Variants in CABIN1 observed in about 807,000 individuals in gnomAD.
CABIN1 encodes the protein calcineurin-binding protein cabin-1.
In CABIN1, 133 loss-of-function variants were observed where a neutral mutation model predicts 227.7. The observed-to-expected ratio is 0.58, with a 90% CI of 0.51 to 0.67. CABIN1 has a LOEUF of 0.67. CABIN1 is among the 30% of genes least tolerant of loss of function. The pLI is 0.00. For synonymous variants in CABIN1, 1,086 were observed against 1,155.1 expected, an observed-to-expected ratio of 0.94 and a Z score of 1.21; for missense variants, 2,408 against 2,852.5, an observed-to-expected ratio of 0.84 and a Z score of 3.55.
At chr22:24,145,272 G>A (rs968052740) in intron 29 of CABIN1, among the ~76,000 whole-genome samples, 3 of 152,150 alleles carry the variant, frequency 2.0e-5, no homozygotes, top group African/African-American at 7.2e-5. Context: ...CACTGGAGGG[G>A]CTGGGCTGGG....
At chr22:24,127,774 G>A (rs2043824193) in intron 28 of CABIN1, among the ~76,000 whole-genome samples, 1 of 152,122 alleles carries the variant, frequency 6.6e-6, no homozygotes, top group Non-Finnish European at 1.5e-5. Context: ...TGAATCAGGT[G>A]AGAAAGTTTG....
At chr22:24,143,895 C>T (rs755511980) in intron 29 of CABIN1, among the ~76,000 whole-genome samples, 3 of 152,222 alleles carry the variant, frequency 2.0e-5, no homozygotes, top group African/African-American at 4.8e-5. Flanking sequence ...TTTTCAGGCC[C>T]TGGGCCAGCT....
intron 29 of CABIN1, among the ~76,000 whole-genome samples, chr22:24,162,505 G>C (rs1315938329): frequency 6.6e-6 from 1 of 152,258 alleles, no homozygotes; most frequent in Non-Finnish European, 1.5e-5. Context: ...GTAAAGAGAT[G>C]AACAAGGGCA....
At chr22:24,120,674 A>G (rs1365863117) in intron 28 of CABIN1, among the ~76,000 whole-genome samples, 1 of 152,106 alleles carries the variant, frequency 6.6e-6, no homozygotes, top group Non-Finnish European at 1.5e-5. Context: ...TTAGCCAGGC[A>G]TGCTGGCATA....
In CABIN1 at chr22:24,178,039, G is replaced by T. The variant is rs375171278; in HGVS notation, c.6520-14G>T. 2 of 1,613,196 alleles carry T rather than the reference G, an allele frequency of 1.2e-6. No individual in the cohort carries two copies. Among genetic ancestry groups the T allele is most frequent in the South Asian group, 1.1e-5 (1 of 91,064 alleles). On this transcript the variant is annotated splice_polypyrimidine_tract_variant and intron_variant, in intron 36 of 36. Transcript: ENST00000263119. ...GCCATCCTTGACCAGTGCCCCGCCC[G>T]GCCCTCTCCGCAGTCAGCCATCCTT...
intron 28 of CABIN1, among the ~76,000 whole-genome samples, chr22:24,124,239 G>A (rs1470787092): frequency 1.3e-5 from 2 of 152,202 alleles, no homozygotes; most frequent in Non-Finnish European, 2.9e-5. Context: ...CAGTGCTGGG[G>A]CAATGTCCAA....
rs59171825 is a variant in CABIN1, at chr22:24,170,252, C to G, written c.5758-1461C>G. The G allele has an allele frequency of 9.4e-6, 4 of 426,286 alleles. No individual in the cohort carries two copies. The East Asian group carries it at 2.9e-4, about 31-fold the overall frequency. 26.4% of individuals were successfully genotyped at this position (426,286 alleles called of 1,614,324 possible). On this transcript the variant is annotated intron_variant, in intron 33 of 36. Coordinates refer to ENST00000263119, the MANE Select transcript of CABIN1 (RefSeq NM_012295.4). ...GGGCTAGCTGCCATCCTCTGGTTCTCTCCTCCCTTAAGCCCAATCTTGGAG... is the reference window on the plus strand; with the variant it reads ...GGGCTAGCTGCCATCCTCTGGTTCTGTCCTCCCTTAAGCCCAATCTTGGAG...
chr22:24,155,370 G>C (rs975734982), intron 29 of CABIN1, among the ~76,000 whole-genome samples: 2 of 152,114 alleles, frequency 1.3e-5, no homozygotes, highest in Non-Finnish European at 1.5e-5. Context: ...ATGGGGTACT[G>C]TTGCTGTTCT....
At chr22:24,119,743 G>A (rs1172886929) in intron 28 of CABIN1, 45 bp downstream of exon 28, 1 of 1,551,592 alleles carries the variant, frequency 6.4e-7, no homozygotes, top group Non-Finnish European at 8.9e-7. Context: ...TCCCAGGGCA[G>A]CTGGGCATCT....
At chr22:24,014,240 CCTCT>C (rs2035063026) in intron 1 of CABIN1, among the ~76,000 whole-genome samples, 1 of 151,962 alleles carries the variant, frequency 6.6e-6, no homozygotes, top group Admixed American at 6.6e-5. Flanking sequence ...GGAGAACTAC[CCTCT>C]CTCTCTTTTA....
chr22:24,097,789 C>T (rs1031802328), intron 25 of CABIN1, among the ~76,000 whole-genome samples: 1 of 152,282 alleles, frequency 6.6e-6, no homozygotes, highest in Admixed American at 6.5e-5. Flanking sequence ...AGATGCAGGT[C>T]GCGCCCTGCC....
chr22:24,062,482 C>T (rs767007343), intron 13 of CABIN1, among the ~76,000 whole-genome samples: 11 of 151,688 alleles, frequency 7.3e-5, no homozygotes, highest in African/African-American at 1.7e-4. Context: ...ATCAGCCTCC[C>T]GAGGAGCTGG....
chr22:24,032,838 A>C (rs922613147), intron 1 of CABIN1, among the ~76,000 whole-genome samples: 19 of 152,188 alleles, frequency 1.2e-4, no homozygotes, highest in African/African-American at 4.1e-4. Flanking sequence ...GCACTTTGGA[A>C]GGCCGAGGTG....
chr22:24,056,369 T>C lies in CABIN1; in HGVS notation c.1262+9T>C. ...AAGTTCTTGCCGTCCAGGTACTGTG[T>C]ATTTTTTCTGATTGTCAGAAACAAA... On this transcript the variant is annotated intron_variant, in intron 10 of 36. Coordinates refer to ENST00000263119, the MANE Select transcript of CABIN1 (RefSeq NM_012295.4). 2.5e-6 allele frequency: 4 copies of C among 1,613,780 alleles called. No homozygotes were observed. The highest frequency in any genetic ancestry group is 3.4e-6 in the Non-Finnish European group (4 of 1,179,666).
chr22:24,011,910 C>T (rs914321784), intron 1 of CABIN1, among the ~76,000 whole-genome samples: 11 of 152,228 alleles, frequency 7.2e-5, no homozygotes, highest in Admixed American at 2.6e-4. Flanking sequence ...CTGGCATTCC[C>T]AAGGTATCTG....
intron 22 of CABIN1, among the ~76,000 whole-genome samples, chr22:24,087,122 G>A (rs759090742): frequency 1.3e-5 from 2 of 152,216 alleles, no homozygotes; most frequent in Non-Finnish European, 2.9e-5. Flanking sequence ...CAAAGCAGGG[G>A]AACAGAGTCC....
intron 10 of CABIN1, among the ~76,000 whole-genome samples, chr22:24,058,503 G>T (rs2038963255): frequency 6.6e-6 from 1 of 152,192 alleles, no homozygotes; most frequent in South Asian, 2.1e-4. Context: ...TCCTTGGGAG[G>T]AGTGCCTGCC....
intron 14 of CABIN1, 78 bp downstream of exon 14, chr22:24,063,224 G>T (rs2039325423): frequency 2.2e-6 from 3 of 1,342,772 alleles, no homozygotes; most frequent in Non-Finnish European, 3.2e-6. Flanking sequence ...CATGTTGAGG[G>T]TGTGTGTGTG....
chr22:24,036,285 A>C (rs2036881128), intron 3 of CABIN1, 104 bp downstream of exon 3: 10 of 845,018 alleles, frequency 1.2e-5, no homozygotes, highest in Non-Finnish European at 2.1e-5. Context: ...CTTTAGGGGG[A>C]AATTCCATTT....
Sources: allele counts gnomAD v4.1 joint callset (sites outside exome capture counted in the v4.1 genomes callset), GRCh38; gene constraint gnomAD v4.1.1; transcripts MANE v1.5; gene names NCBI Gene and HGNC (gene_info 2026-07-23, HGNC 2026-07-21).